The following EXOC2 variants were observed in gnomAD, a reference collection of about 807,000 sequenced individuals.
EXOC2 encodes SEC5-like 1.
A neutral mutation model predicts 131.8 loss-of-function variants in EXOC2; 70 were observed. The ratio of observed to expected loss-of-function variants is 0.53; its 90% CI spans 0.44 to 0.65. The LOEUF (loss-of-function observed/expected upper bound fraction) is 0.65, where lower values mean the gene tolerates loss of function less well. Among genes scored for constraint, EXOC2 ranks in the 30% least tolerant of loss-of-function variants. The pLI is 0.00. For missense variants in EXOC2, 923 were observed against 1,108.6 expected (o/e 0.83, Z 2.38); for synonymous variants, 411 against 398.4 (o/e 1.03, Z -0.38).
In EXOC2 at chr6:506,197, T is replaced by C. The variant is rs1764532264; in HGVS notation, c.2381-6497A>G. Among the ~76,000 whole-genome samples, 1 of 152,252 alleles carries C rather than the reference T, an allele frequency of 6.6e-6. No individual in the cohort carries two copies. The highest frequency in any genetic ancestry group is 2.1e-4 in the South Asian group (1 of 4,834). On this transcript the variant is annotated intron_variant, in intron 23 of 27. Transcript: ENST00000230449. The surrounding 1 kb of genome is among the most constrained non-coding windows in gnomAD (Gnocchi z 4.4). ...TATTTGCTTTCCAAAATATGCTTTA[T>C]TTTTCCAGCAATATACTGAAATAAT...
intron 1 of EXOC2, among the ~76,000 whole-genome samples, chr6:672,063 T>A (rs1172575435): frequency 2.0e-5 from 3 of 152,200 alleles, no homozygotes; most frequent in Non-Finnish European, 4.4e-5. Flanking sequence ...TGGTTCCCAC[T>A]ATACATACAT....
intron 22 of EXOC2, among the ~76,000 whole-genome samples, chr6:533,709 G>C (rs1256774390): frequency 1.3e-5 from 2 of 152,116 alleles, no homozygotes; most frequent in Non-Finnish European, 2.9e-5. Context: ...AAGAAGAGGG[G>C]GGAGGCAGAG....
intron 7 of EXOC2, 116 bp from the exon 8 acceptor site, chr6:599,341 C>A: frequency 1.0e-6 from 1 of 998,792 alleles, no homozygotes; most frequent in Non-Finnish European, 1.4e-6. Flanking sequence ...CGTTAAAACT[C>A]AGACTGTTTT....
chr6:600,862 TTA>T (rs1361701289), intron 7 of EXOC2, among the ~76,000 whole-genome samples: 2 of 152,178 alleles, frequency 1.3e-5, no homozygotes, highest in African/African-American at 2.4e-5. Flanking sequence ...AAATTATAAG[TTA>T]TGAGATTATA....
At chr6:564,802 A>G (rs1757885591) in intron 14 of EXOC2, 62 bp downstream of exon 14, 1 of 1,584,694 alleles carries the variant, frequency 6.3e-7, no homozygotes, top group Non-Finnish European at 8.6e-7. Flanking sequence ...TCTTGAATAC[A>G]AAGTGAGAAA....
intron 6 of EXOC2, among the ~76,000 whole-genome samples, chr6:616,613 A>AAC (rs1252752232): frequency 3.3e-5 from 5 of 151,164 alleles, no homozygotes; most frequent in Admixed American, 2.0e-4. Flanking sequence ...AAAAAAAAAA[A>AAC]AAAAAAAAAA....
intron 17 of EXOC2, among the ~76,000 whole-genome samples, chr6:560,321 T>C (rs866825157): frequency 1.3e-4 from 20 of 152,220 alleles, no homozygotes; most frequent in African/African-American, 3.4e-4. Context: ...ACATGGAAGA[T>C]TGAAGTAGGT....
chr6:691,110 T>C (rs949187244), intron 1 of EXOC2, among the ~76,000 whole-genome samples: 1 of 152,248 alleles, frequency 6.6e-6, no homozygotes, highest in African/African-American at 2.4e-5. Flanking sequence ...CAGCACTTCC[T>C]GTATGGCCTA....
chr6:646,920 T>G (rs1489782207), intron 1 of EXOC2, among the ~76,000 whole-genome samples: 1 of 152,210 alleles, frequency 6.6e-6, no homozygotes, highest in Non-Finnish European at 1.5e-5. Context: ...CAACACAAAG[T>G]TCTTCAACAA....
rs184147381 is a variant in EXOC2 at position 548,484 on chromosome 6, T to C, written c.2238+691A>G. 1.8e-3 allele frequency among the ~76,000 whole-genome samples: 280 copies of C among 152,364 alleles called. 1 individual carries two copies. Among genetic ancestry groups the C allele is most frequent in the African/African-American group, 6.4e-3 (268 of 41,586 alleles). ...CTTAATAACAAGGTTACTTCATTTT[T>C]TCCTTTTCTGCTTAGTTGAAAAAAA... On this transcript the variant is annotated intron_variant, in intron 22 of 27. Coordinates refer to ENST00000230449, the MANE Select transcript of EXOC2 (RefSeq NM_018303.6).
rs753458086 is a variant in EXOC2, at chr6:564,176, C to G, written c.1668-22G>C. The stretch of plus-strand genomic sequence containing the variant: ...AAGTCTGCGAACAAACACATCCAAA[C>G]AGAAGTGAGCAGAGTGGGATCGCAA... On this transcript the variant is annotated intron_variant, in intron 15 of 27. Transcript: ENST00000230449. The G allele has an allele frequency of 1.9e-6, 3 of 1,611,618 alleles. No homozygotes were observed. The East Asian group carries it at 6.7e-5, about 36-fold the overall frequency.
At position 598,014 on chromosome 6, in the gene EXOC2, G is replaced by C; in HGVS notation, c.1073+7C>G. 6.2e-7 allele frequency: 1 copy of C among 1,602,322 alleles called. No homozygotes were observed. The highest frequency in any genetic ancestry group is 8.5e-7 in the Non-Finnish European group (1 of 1,170,030). On this transcript the variant is annotated splice_region_variant and intron_variant, in intron 10 of 27. Transcript: ENST00000230449. ...GTGATTCAACAAAATGTTTGCAGAA[G>C]ATTTACCTTATGTAACGTTTTTGGT...
chr6:635,536 T>A (rs1762059253), intron 2 of EXOC2, among the ~76,000 whole-genome samples: 1 of 152,254 alleles, frequency 6.6e-6, no homozygotes, highest in Admixed American at 6.5e-5. Flanking sequence ...GCACGTTTGC[T>A]AAGCTACGCT....
intron 2 of EXOC2, among the ~76,000 whole-genome samples, chr6:636,688 T>C (rs1762116841): frequency 1.3e-5 from 2 of 152,192 alleles, no homozygotes; most frequent in Admixed American, 1.3e-4. Context: ...CAAGAGAATG[T>C]CTGAGTCCAG....
intron 2 of EXOC2, among the ~76,000 whole-genome samples, chr6:636,833 T>C (rs1419294429): frequency 6.6e-6 from 1 of 152,220 alleles, no homozygotes; most frequent in Admixed American, 6.5e-5. Context: ...CATAAAATTA[T>C]ACTTAAAACT....
At chr6:665,170 CAT>C (rs1291493760) in intron 1 of EXOC2, among the ~76,000 whole-genome samples, 4 of 152,130 alleles carry the variant, frequency 2.6e-5, no homozygotes, top group African/African-American at 7.2e-5. Context: ...GGCCAACAAA[CAT>C]ATGAAAAAAA....
intron 1 of EXOC2, among the ~76,000 whole-genome samples, chr6:658,650 TATATATATATATATA>T (rs1156934494): frequency 8.7e-5 from 6 of 68,962 alleles, no homozygotes; most frequent in South Asian, 5.4e-4. Context: ...ATATTTTATA[TATATATATATATATA>T]TTTTTTTTTT....
chr6:509,189 G>A (rs937277161), intron 23 of EXOC2, among the ~76,000 whole-genome samples: 2 of 152,236 alleles, frequency 1.3e-5, no homozygotes. Context: ...TAGCATGGAT[G>A]TATCATAATC....
intron 23 of EXOC2, among the ~76,000 whole-genome samples, chr6:522,909 G>A (rs1034495251): frequency 6.6e-6 from 1 of 152,234 alleles, no homozygotes; most frequent in Non-Finnish European, 1.5e-5. Flanking sequence ...AGGCTTCAGA[G>A]CTAAGCAGGT....
Sources: gnomAD v4.1 joint callset for allele counts (sites outside exome capture counted in the v4.1 genomes callset) on GRCh38, gnomAD v4.1.1 for gene constraint, Gnocchi (gnomAD v3.1) non-coding constraint, MANE v1.5 for transcripts, NCBI Gene and HGNC (gene_info 2026-07-23, HGNC 2026-07-21) for gene names.